PLCG2: variants seen among roughly 807,000 people sequenced by gnomAD.
The protein encoded by PLCG2 is phospholipase C gamma 2, also known as 1-phosphatidylinositol 4,5-bisphosphate phosphodiesterase gamma-2.
Under a neutral mutation model 175.6 loss-of-function variants are expected in PLCG2, and 69 were observed. The observed-to-expected ratio is 0.39, with a 90% CI of 0.32 to 0.48. The LOEUF (loss-of-function observed/expected upper bound fraction) is 0.48, where lower values mean the gene tolerates loss of function less well. Ranked by LOEUF, PLCG2 falls within the 20% of genes least tolerant of loss-of-function variation. PLCG2 has a pLI of 0.91. For synonymous variants in PLCG2, 827 were observed against 624.0 expected (o/e 1.33, Z -4.85); for missense variants, 1,798 against 1,650.9 (o/e 1.09, Z -1.54).
rs553141701 is a variant in PLCG2, at chr16:81,836,365, C to G, written c.194-18079C>G. Among the ~76,000 whole-genome samples, 11 of 152,284 alleles carry G rather than the reference C, an allele frequency of 7.2e-5. 1 individual carries two copies. The South Asian group carries it at 1.9e-3, about 26-fold the overall frequency. On this transcript the variant is annotated intron_variant, in intron 2 of 32. Transcript: ENST00000564138. The stretch of plus-strand genomic sequence containing the variant: ...TGGACTCGTATTCCCACTGGTGGAG[C>G]CAAGAGGTTTTTGCTGTCTGCAGGG...
intron 2 of PLCG2, among the ~76,000 whole-genome samples, chr16:81,824,888 T>C (rs1285013989): frequency 6.6e-6 from 1 of 152,224 alleles, no homozygotes; most frequent in Non-Finnish European, 1.5e-5. Flanking sequence ...GAGATTCTCC[T>C]GCATGACCCA....
At chr16:81,911,356 T>A (rs2143659664) in intron 18 of PLCG2, among the ~76,000 whole-genome samples, 1 of 152,226 alleles carries the variant, frequency 6.6e-6, no homozygotes, top group Non-Finnish European at 1.5e-5. Flanking sequence ...GTGATCTCCG[T>A]CTTCGATTTT....
At chr16:81,883,912 C>T (rs1053480996) in intron 9 of PLCG2, among the ~76,000 whole-genome samples, 50 of 152,286 alleles carry the variant, frequency 3.3e-4, no homozygotes, top group African/African-American at 1.2e-3. Flanking sequence ...TGTGACGATG[C>T]CCCCAGAGGA....
At position 81,891,339 on chromosome 16, in the gene PLCG2, G is replaced by A. The variant is rs78720750; in HGVS notation, c.868-133G>A. The A allele has an allele frequency of 6.3e-3, 4,223 of 667,444 alleles. 139 individuals are homozygous for A. In the African/African-American group the frequency reaches 0.066, roughly 10 times the overall value. 41.3% of individuals were successfully genotyped at this position (667,444 alleles called of 1,614,324 possible). ...TTCGGTATTGAAAACGTGGGTAACT[G>A]AGGTCTGGAGACCGCCTGTTGATTT... On this transcript the variant is annotated intron_variant, in intron 10 of 32. Coordinates refer to ENST00000564138, the MANE Select transcript of PLCG2 (RefSeq NM_002661.5).
intron 2 of PLCG2, among the ~76,000 whole-genome samples, chr16:81,770,836 A>G (rs943881088): frequency 6.6e-6 from 1 of 152,100 alleles, no homozygotes; most frequent in Admixed American, 6.6e-5. Context: ...AGGCGGGCGG[A>G]TCGTGAGGTC....
intron 32 of PLCG2, 121 bp downstream of exon 32, chr16:81,957,000 GGGCATGGT>G (rs1023298344): frequency 1.3e-6 from 1 of 784,084 alleles, no homozygotes; most frequent in Admixed American, 2.7e-5. Context: ...ATCCTTGGCC[GGGCATGGT>G]GGCTCACAGG....
At chr16:81,955,307 G>C (rs1911524530) in intron 31 of PLCG2, among the ~76,000 whole-genome samples, 1 of 152,190 alleles carries the variant, frequency 6.6e-6, no homozygotes, top group Non-Finnish European at 1.5e-5. Context: ...AAATGACAAA[G>C]GATCTTGTTT....
upstream of PLCG2, among the ~76,000 whole-genome samples, chr16:81,775,115 G>T (rs1262100169): frequency 6.6e-6 from 1 of 152,132 alleles, no homozygotes; most frequent in Non-Finnish European, 1.5e-5. Context: ...CATGTAAAGT[G>T]TACAGTACAG....
chr16:81,869,239 A>G lies in PLCG2; in HGVS notation c.505A>G (p.Ile169Val), dbSNP rs200464512. The change falls in exon 6 of 33, where the codon ATC becomes GTC. Residue 169 changes from isoleucine to valine, a missense_variant. Coordinates refer to ENST00000564138, the MANE Select transcript of PLCG2 (RefSeq NM_002661.5). The stretch of plus-strand genomic sequence containing the variant: ...CATCAGTCTCCGAGAGTTGAAGACC[A>G]TCTTGCCCCTGATCAACTTTAAAGT... ...NSISLRELKT[I>V]LPLINFKVSS... 2.0e-5 allele frequency: 32 copies of G among 1,614,114 alleles called. No homozygotes were observed. The East Asian group carries it at 7.1e-4, about 36-fold the overall frequency.
chr16:81,807,848 A>G (rs11866355), intron 2 of PLCG2, among the ~76,000 whole-genome samples: 103,005 of 151,884 alleles, frequency 0.68, 38,347 homozygotes, highest in East Asian at 0.97. Context: ...CAAGAGAGAG[A>G]GGGAGGGAGG....
intron 2 of PLCG2, among the ~76,000 whole-genome samples, chr16:81,773,009 A>T (rs1198056848): frequency 6.6e-6 from 1 of 152,164 alleles, no homozygotes; most frequent in African/African-American, 2.4e-5. Context: ...GTTTGGCCAC[A>T]TACTCTTGGG....
rs748289303 is a variant in PLCG2 at position 81,936,305 on chromosome 16, C to T, written c.2979C>T (p.Asp993=). 1.9e-6 allele frequency: 3 copies of T among 1,614,216 alleles called. No homozygotes were observed. In the East Asian group the frequency reaches 6.7e-5, roughly 36 times the overall value. ...TRVYPKGQRV[D]SSNYDPFRLW... ...TCTACCCAAAGGGACAAAGAGTTGA[C>T]TCTTCAAACTACGACCCCTTCCGCC... Residue 993 remains aspartate, a synonymous_variant, in exon 27 of 33, where the codon GAC becomes GAT. Transcript: ENST00000564138.
At chr16:81,918,707 C>A (rs1455426213) in intron 19 of PLCG2, among the ~76,000 whole-genome samples, 1 of 152,102 alleles carries the variant, frequency 6.6e-6, no homozygotes, top group African/African-American at 2.4e-5. Flanking sequence ...GTTATTTTTG[C>A]TCAAAATTGC....
intron 12 of PLCG2, among the ~76,000 whole-genome samples, chr16:81,894,084 G>T (rs540994347): frequency 1.3e-5 from 2 of 151,694 alleles, no homozygotes; most frequent in Non-Finnish European, 2.9e-5. Context: ...TCCTAGGTGT[G>T]CACAGGTACC....
chr16:81,862,959 T>A (rs1278444856), intron 5 of PLCG2, among the ~76,000 whole-genome samples: 1 of 152,128 alleles, frequency 6.6e-6, no homozygotes, highest in Non-Finnish European at 1.5e-5. Context: ...GCAGAAATCT[T>A]CCCTTCCCCA....
chr16:81,921,154 A>T, intron 20 of PLCG2, 44 bp from the exon 21 acceptor site: 1 of 1,216,796 alleles, frequency 8.2e-7, no homozygotes, highest in Middle Eastern at 1.9e-4. Flanking sequence ...GGGCTATTCC[A>T]GGAGCATGGA....
chr16:81,862,554 C>T (rs967638057), intron 5 of PLCG2, among the ~76,000 whole-genome samples: 1 of 152,024 alleles, frequency 6.6e-6, no homozygotes, highest in Non-Finnish European at 1.5e-5. Flanking sequence ...GTTGCTTTTC[C>T]TTTTTTCTTT....
intron 32 of PLCG2, 140 bp downstream of exon 32, chr16:81,957,019 C>A: frequency 1.9e-6 from 1 of 530,326 alleles, no homozygotes; most frequent in South Asian, 2.6e-5. Context: ...GGCTCACAGG[C>A]CAGGCATGGT....
At chr16:81,921,876 A>G (rs978167853) in intron 21 of PLCG2, among the ~76,000 whole-genome samples, 4 of 152,228 alleles carry the variant, frequency 2.6e-5, no homozygotes, top group African/African-American at 9.6e-5. Flanking sequence ...TTCTTTTTCA[A>G]AAATTTATAA....
Sources: gnomAD v4.1 joint callset for allele counts (sites outside exome capture counted in the v4.1 genomes callset) on GRCh38, gnomAD v4.1.1 for gene constraint, MANE v1.5 for transcripts, NCBI Gene and HGNC (gene_info 2026-07-23, HGNC 2026-07-21) for gene names.